Variants in PALM2AKAP2 observed in about 807,000 individuals in gnomAD.
PALM2AKAP2 encodes PALM2-AKAP2 fusion protein.
A neutral mutation model predicts 71.5 loss-of-function variants in PALM2AKAP2; 37 were observed. The ratio of observed to expected loss-of-function variants is 0.52; its 90% CI spans 0.40 to 0.68. The LOEUF (loss-of-function observed/expected upper bound fraction) is 0.68, where lower values mean the gene tolerates loss of function less well. Ranked by LOEUF, PALM2AKAP2 falls within the 30% of genes least tolerant of loss-of-function variation. PALM2AKAP2 has a pLI of 0.00. For missense variants in PALM2AKAP2, 1,224 were observed against 1,191.8 expected, an observed-to-expected ratio of 1.03 and a Z score of -0.40; for synonymous variants, 468 against 478.8, an observed-to-expected ratio of 0.98 and a Z score of 0.29.
At chr9:110,129,607 G>T (rs1010076968) in intron 1 of PALM2AKAP2, among the ~76,000 whole-genome samples, 29 of 152,200 alleles carry the variant, frequency 1.9e-4, no homozygotes, top group African/African-American at 6.5e-4. Context: ...GTATGTGCAT[G>T]TACTGTGAAA....
intron 1 of PALM2AKAP2, among the ~76,000 whole-genome samples, chr9:109,783,101 G>T (rs1229977370): frequency 6.6e-6 from 1 of 152,040 alleles, no homozygotes; most frequent in Non-Finnish European, 1.5e-5. Flanking sequence ...AGGGCCTTGG[G>T]CAGTCTTTAG....
chr9:110,083,698 A>C (rs151029228), intron 1 of PALM2AKAP2, among the ~76,000 whole-genome samples: 58 of 152,358 alleles, frequency 3.8e-4, no homozygotes, highest in Non-Finnish European at 7.1e-4. Flanking sequence ...AATAGATCAC[A>C]TACAAAGAGT....
chr9:110,138,094 G>A, exon 2 of PALM2AKAP2: 2 of 1,614,124 alleles, frequency 1.2e-6, no homozygotes, highest in Non-Finnish European at 1.7e-6. Context: ...GCTCAGAAAA[G>A]CCTCAGAGCA....
intron 1 of PALM2AKAP2, among the ~76,000 whole-genome samples, chr9:109,745,774 T>G (rs1304362803): frequency 6.6e-6 from 1 of 152,176 alleles, no homozygotes; most frequent in Non-Finnish European, 1.5e-5. Flanking sequence ...ACTCCCTGGC[T>G]TCTGTACTTG....
rs149777126 is a variant in PALM2AKAP2, at chr9:109,999,066, C to T, written c.497-16888C>T. Among the ~76,000 whole-genome samples, 23 of 152,012 alleles carry T rather than the reference C, an allele frequency of 1.5e-4. No individual in the cohort carries two copies. The South Asian group carries it at 3.5e-3, about 23-fold the overall frequency. On this transcript the variant is annotated intron_variant, in intron 6 of 9. Transcript: ENST00000302798. ...AAAGTGCTCAGGGTCTGGCTGGGCACGGTGGCTCACGCCTGTAATCTCAGC... is the reference window on the plus strand; with the variant it reads ...AAAGTGCTCAGGGTCTGGCTGGGCATGGTGGCTCACGCCTGTAATCTCAGC...
exon 1 of PALM2AKAP2, chr9:109,640,843 C>T: frequency 1.3e-6 from 2 of 1,517,114 alleles, no homozygotes; most frequent in Non-Finnish European, 1.8e-6. Flanking sequence ...AGCAGCGCAC[C>T]CGGCCGCGGA....
intron 6 of PALM2AKAP2, among the ~76,000 whole-genome samples, chr9:109,962,509 T>G (rs1831869052): frequency 6.6e-6 from 1 of 152,222 alleles, no homozygotes; most frequent in African/African-American, 2.4e-5. Flanking sequence ...CCTAAAATAT[T>G]TATTGTCTGG....
intron 1 of PALM2AKAP2, among the ~76,000 whole-genome samples, chr9:109,798,897 C>T (rs1475909898): frequency 5.3e-5 from 8 of 152,222 alleles, no homozygotes; most frequent in Admixed American, 3.9e-4. Context: ...TGGCCGGAGC[C>T]CACATCATCC....
chr9:110,039,522 T>C (rs1407357795), intron 7 of PALM2AKAP2, among the ~76,000 whole-genome samples: 1 of 152,160 alleles, frequency 6.6e-6, no homozygotes, highest in Non-Finnish European at 1.5e-5. Flanking sequence ...AGGATTCCAA[T>C]CCAGGTCTTC....
chr9:110,109,518 C>T (rs1193170845), intron 1 of PALM2AKAP2, among the ~76,000 whole-genome samples: 1 of 152,112 alleles, frequency 6.6e-6, no homozygotes, highest in Non-Finnish European at 1.5e-5. Flanking sequence ...CAGCCCACAA[C>T]TGACAAGTAC....
chr9:110,101,760 A>G (rs1423347297), intron 1 of PALM2AKAP2, among the ~76,000 whole-genome samples: 1 of 152,218 alleles, frequency 6.6e-6, no homozygotes, highest in Non-Finnish European at 1.5e-5. Flanking sequence ...TTCAAATGTA[A>G]GTAAGGGAAT....
chr9:109,929,736 C>T (rs993672084), intron 5 of PALM2AKAP2, among the ~76,000 whole-genome samples: 20 of 151,568 alleles, frequency 1.3e-4, no homozygotes, highest in African/African-American at 3.9e-4. Context: ...TGGTGGTGGG[C>T]GCCTGTAGTC....
chr9:109,996,257 GTA>G (rs1832573340), intron 6 of PALM2AKAP2, among the ~76,000 whole-genome samples: 1 of 152,196 alleles, frequency 6.6e-6, no homozygotes, highest in Non-Finnish European at 1.5e-5. Context: ...AATCATTAGA[GTA>G]TGTGGAGAAT....
intron 1 of PALM2AKAP2, among the ~76,000 whole-genome samples, chr9:110,080,046 G>A (rs569960044): frequency 7.5e-4 from 98 of 131,256 alleles, no homozygotes; most frequent in African/African-American, 2.8e-3. Flanking sequence ...CTTCAGCTTG[G>A]GTGACAGAGC....
Position 110,128,763 on chromosome 9 carries a change from C to G in PALM2AKAP2, c.157-7364C>G, listed in dbSNP as rs116759972. ...GGCTGTGAACACAGTGAACATTGTC[C>G]TTGTGGTGAAGGACACCTTTCTGCT... On this transcript the variant is annotated intron_variant, in intron 1 of 3. Transcript: ENST00000374525. Among the ~76,000 whole-genome samples, 1,115 of 152,306 alleles carry G rather than the reference C, an allele frequency of 7.3e-3. 12 individuals carry two copies. The highest frequency in any genetic ancestry group is 0.025 in the African/African-American group (1,050 of 41,552).
At chr9:109,702,045 C>T (rs1828068924) in intron 1 of PALM2AKAP2, among the ~76,000 whole-genome samples, 1 of 152,204 alleles carries the variant, frequency 6.6e-6, no homozygotes, top group African/African-American at 2.4e-5. Flanking sequence ...AATGAGCTAC[C>T]ATCTCACACC....
chr9:109,673,992 A>T (rs998086489), intron 1 of PALM2AKAP2, among the ~76,000 whole-genome samples: 1 of 151,680 alleles, frequency 6.6e-6, no homozygotes, highest in Non-Finnish European at 1.5e-5. Flanking sequence ...TATGTTTGTC[A>T]TTTCATGTGA....
At chr9:109,792,478 G>A (rs1587914744) in intron 1 of PALM2AKAP2, among the ~76,000 whole-genome samples, 1 of 152,262 alleles carries the variant, frequency 6.6e-6, no homozygotes, top group East Asian at 1.9e-4. Flanking sequence ...CACATGCGTA[G>A]ATTTGTGCAA....
chr9:110,165,784 C>T (rs982337515), intron 3 of PALM2AKAP2, among the ~76,000 whole-genome samples: 1 of 152,174 alleles, frequency 6.6e-6, no homozygotes, highest in Admixed American at 6.5e-5. Flanking sequence ...ATCCTCAACA[C>T]GAAGCACTGT....
Sources: gnomAD v4.1 joint callset for allele counts (sites outside exome capture counted in the v4.1 genomes callset) on GRCh38, gnomAD v4.1.1 for gene constraint, MANE v1.5 for transcripts, NCBI Gene and HGNC (gene_info 2026-07-23, HGNC 2026-07-21) for gene names.